COL19A1: variants seen among roughly 807,000 people sequenced by gnomAD.
COL19A1 encodes collagen alpha-1(XIX) chain.
In COL19A1, 159 loss-of-function variants were observed where a neutral mutation model predicts 190.2. That is an observed-to-expected ratio of 0.84 (90% CI 0.73 to 0.95). COL19A1 has a LOEUF of 0.95. COL19A1 is among the 40% of genes least tolerant of loss of function. COL19A1 has a pLI of 0.00. For missense variants in COL19A1, 1,418 were observed against 1,431.9 expected, an observed-to-expected ratio of 0.99 and a Z score of 0.16; for synonymous variants, 509 against 458.9, an observed-to-expected ratio of 1.11 and a Z score of -1.39.
intron 11 of COL19A1, among the ~76,000 whole-genome samples, chr6:69,972,459 C>A (rs1775486348): frequency 6.6e-6 from 1 of 152,138 alleles, no homozygotes; most frequent in Non-Finnish European, 1.5e-5. Flanking sequence ...CAAAAGTATT[C>A]AATTAATTCA....
At position 69,975,975 on chromosome 6, in the gene COL19A1, T is replaced by A. The variant is rs144427457; in HGVS notation, c.1026+13105T>A. ...AATAAACCAAACTCATAACACATGGTTTTTGTTTTCTGACATGGTATTGCC... is the reference window on the plus strand; with the variant it reads ...AATAAACCAAACTCATAACACATGGATTTTGTTTTCTGACATGGTATTGCC... On this transcript the variant is annotated intron_variant, in intron 11 of 50. Coordinates refer to ENST00000620364, the MANE Select transcript of COL19A1 (RefSeq NM_001858.6). Among the ~76,000 whole-genome samples the A allele has an allele frequency of 4.6e-3, 694 of 152,326 alleles. 4 individuals are homozygous for A. Among genetic ancestry groups the A allele is most frequent in the Middle Eastern group, 0.01 (3 of 294 alleles).
chr6:69,899,188 AGG>A (rs1769994832), intron 3 of COL19A1, among the ~76,000 whole-genome samples, 166 bp downstream of exon 3: 1 of 147,172 alleles, frequency 6.8e-6, no homozygotes. Flanking sequence ...TTTTTGAGAC[AGG>A]GTCTCACTCT....
chr6:69,930,099 G>A (rs897524932), intron 6 of COL19A1, among the ~76,000 whole-genome samples: 1 of 152,096 alleles, frequency 6.6e-6, no homozygotes, highest in African/African-American at 2.4e-5. Flanking sequence ...TTTCATTCAA[G>A]AACAATAGAC....
intron 15 of COL19A1, among the ~76,000 whole-genome samples, chr6:70,077,223 T>G (rs35184999): frequency 6.6e-6 from 1 of 152,182 alleles, no homozygotes; most frequent in South Asian, 2.1e-4. Context: ...AGCACTTTTG[T>G]TTTTCTTATA....
intron 19 of COL19A1, among the ~76,000 whole-genome samples, chr6:70,140,346 T>C (rs1273568265): frequency 1.3e-5 from 2 of 152,130 alleles, no homozygotes; most frequent in Admixed American, 1.3e-4. Flanking sequence ...TTTTTAAAAT[T>C]TGTATAATTT....
intron 14 of COL19A1, among the ~76,000 whole-genome samples, chr6:70,038,505 A>C (rs559005503): frequency 3.3e-5 from 5 of 152,340 alleles, no homozygotes; most frequent in African/African-American, 1.2e-4. Flanking sequence ...ATAAAGAACT[A>C]TCTCTTTCCG....
intron 11 of COL19A1, among the ~76,000 whole-genome samples, chr6:70,008,764 GCACACA>G (rs539223661): frequency 6.6e-6 from 1 of 150,858 alleles, no homozygotes; most frequent in African/African-American, 2.4e-5. Flanking sequence ...AAAGAGAGAT[GCACACA>G]CACACACACA....
At chr6:69,924,238 G>A (rs897734216) in intron 4 of COL19A1, among the ~76,000 whole-genome samples, 10 of 152,168 alleles carry the variant, frequency 6.6e-5, no homozygotes, top group African/African-American at 2.2e-4. Context: ...ATCTCCTAAT[G>A]CTATCCCTCC....
intron 44 of COL19A1, among the ~76,000 whole-genome samples, chr6:70,182,269 G>A (rs776595199): frequency 5.9e-5 from 9 of 152,196 alleles, no homozygotes; most frequent in Non-Finnish European, 1.0e-4. Context: ...AGAGAAGTGT[G>A]AGGGAAAGAG....
At chr6:70,079,214 G>A (rs1782086910) in intron 15 of COL19A1, among the ~76,000 whole-genome samples, 1 of 152,208 alleles carries the variant, frequency 6.6e-6, no homozygotes. Flanking sequence ...AGTGATTGCT[G>A]ACGTATCAAG....
intron 10 of COL19A1, among the ~76,000 whole-genome samples, chr6:69,962,063 CT>C (rs1237120580): frequency 6.6e-6 from 1 of 152,158 alleles, no homozygotes; most frequent in African/African-American, 2.4e-5. Flanking sequence ...TGCACATGAC[CT>C]GTTCCCAACA....
At chr6:69,881,935 T>C (rs977873581) in intron 2 of COL19A1, among the ~76,000 whole-genome samples, 6 of 152,218 alleles carry the variant, frequency 3.9e-5, no homozygotes, top group African/African-American at 1.4e-4. Flanking sequence ...GTCTTGTGTA[T>C]CTGGTTCACA....
At chr6:69,949,063 C>T (rs1328730323) in intron 9 of COL19A1, among the ~76,000 whole-genome samples, 1 of 151,808 alleles carries the variant, frequency 6.6e-6, no homozygotes, top group Non-Finnish European at 1.5e-5. Flanking sequence ...GGCAAATACT[C>T]TTTCATGTTT....
chr6:70,121,729 C>T (rs930430069), intron 16 of COL19A1, 151 bp from the exon 17 acceptor site: 7 of 540,838 alleles, frequency 1.3e-5, no homozygotes, highest in Middle Eastern at 4.9e-4. Flanking sequence ...AGTTAATGCC[C>T]GTGTATTTCT....
chr6:70,163,859 A>C (rs1421693122), intron 36 of COL19A1, among the ~76,000 whole-genome samples: 1 of 152,196 alleles, frequency 6.6e-6, no homozygotes, highest in African/African-American at 2.4e-5. Flanking sequence ...AGGTGCTGGC[A>C]GAATCGGTGT....
chr6:69,921,293 T>TATATC (rs1392761941), intron 4 of COL19A1, among the ~76,000 whole-genome samples: 63 of 131,262 alleles, frequency 4.8e-4, no homozygotes, highest in African/African-American at 1.6e-3. Flanking sequence ...TCATATATCA[T>TATATC]ATATATCATA....
At chr6:69,919,393 G>A (rs1308815340) in intron 4 of COL19A1, among the ~76,000 whole-genome samples, 19 of 152,132 alleles carry the variant, frequency 1.2e-4, no homozygotes, top group Admixed American at 1.2e-3. Context: ...GTTAATGAAA[G>A]CACTTCATAG....
chr6:70,161,221 AAAT>A (rs1787781263), intron 34 of COL19A1, among the ~76,000 whole-genome samples: 1 of 152,184 alleles, frequency 6.6e-6, no homozygotes, highest in Admixed American at 6.6e-5. Flanking sequence ...AAGCTAAAAT[AAAT>A]ATTATATCAT....
intron 11 of COL19A1, among the ~76,000 whole-genome samples, chr6:70,008,167 G>A (rs1254186122): frequency 6.6e-6 from 1 of 151,478 alleles, no homozygotes; most frequent in African/African-American, 2.4e-5. Context: ...GTAGAAGGCA[G>A]GAACAATAAA....
Sources: allele counts gnomAD v4.1 joint callset (sites outside exome capture counted in the v4.1 genomes callset), GRCh38; gene constraint gnomAD v4.1.1; transcripts MANE v1.5; gene names NCBI Gene and HGNC (gene_info 2026-07-23, HGNC 2026-07-21).